The following ZFYVE28 variants were observed in gnomAD, a reference collection of about 807,000 sequenced individuals.
ZFYVE28 encodes the protein lateral signaling target protein 2 homolog.
Under a neutral mutation model 82.1 loss-of-function variants are expected in ZFYVE28, and 40 were observed. That is an observed-to-expected ratio of 0.49 (90% CI 0.38 to 0.63). The LOEUF is 0.63. ZFYVE28 is among the 30% of genes least tolerant of loss of function. The pLI is 0.00. For missense variants in ZFYVE28, 1,321 were observed against 1,242.1 expected (o/e 1.06, Z -0.96); for synonymous variants, 612 against 546.1 (o/e 1.12, Z -1.68).
intron 1 of ZFYVE28, among the ~76,000 whole-genome samples, chr4:2,371,732 C>G (rs1015539184): frequency 6.6e-6 from 1 of 152,264 alleles, no homozygotes; most frequent in African/African-American, 2.4e-5. Context: ...AATTAAACCT[C>G]TTCAGTGTCT....
chr4:2,287,478 G>A (rs1712934596), intron 8 of ZFYVE28: 1 of 152,286 alleles, frequency 6.6e-6, no homozygotes, highest in African/African-American at 2.4e-5. Flanking sequence ...TTAAGCCCCT[G>A]AAGGGCCTCT....
At chr4:2,360,293 G>A (rs1489529593) in intron 1 of ZFYVE28, among the ~76,000 whole-genome samples, 1 of 151,354 alleles carries the variant, frequency 6.6e-6, no homozygotes, top group Non-Finnish European at 1.5e-5. Flanking sequence ...GTGCCCACAA[G>A]CAAATACCCT....
chr4:2,331,073 G>T (rs539637398), intron 6 of ZFYVE28: 1 of 1,045,184 alleles, frequency 9.6e-7, no homozygotes, highest in Non-Finnish European at 1.3e-6. Flanking sequence ...AGGGGTAGAC[G>T]CTGGGATGGG....
In ZFYVE28 at chr4:2,394,300, A is replaced by C. The variant is rs889666154; in HGVS notation, c.39+23985T>G. On this transcript the variant is annotated intron_variant, in intron 1 of 12. Transcript: ENST00000290974. This position sits in a 1 kb window ranked among gnomAD's most constrained non-coding sequence, Gnocchi z 4.0. ...ATAGATTCATGGGTTCCAGGGATTC[A>C]CACATGGACACCTTTGGGGGCCATC... Among the ~76,000 whole-genome samples the C allele has an allele frequency of 6.6e-6, 1 of 152,116 alleles. No individual in the cohort carries two copies. The highest frequency in any genetic ancestry group is 2.4e-5 in the African/African-American group (1 of 41,418).
At chr4:2,401,317 G>A (rs576726123) in intron 1 of ZFYVE28, among the ~76,000 whole-genome samples, 4 of 152,302 alleles carry the variant, frequency 2.6e-5, no homozygotes, top group South Asian at 4.1e-4. Flanking sequence ...CCCCAGGGGT[G>A]CCCCAGTTAC....
intron 8 of ZFYVE28, among the ~76,000 whole-genome samples, chr4:2,291,569 C>A (rs909310261): frequency 6.6e-6 from 1 of 152,196 alleles, no homozygotes; most frequent in Non-Finnish European, 1.5e-5. Flanking sequence ...TCCCCTCTCT[C>A]TCCACCTCAG....
intron 1 of ZFYVE28, among the ~76,000 whole-genome samples, chr4:2,412,650 T>C (rs906751878): frequency 9.9e-5 from 15 of 152,216 alleles, no homozygotes; most frequent in African/African-American, 3.4e-4. Context: ...CTCACCATTA[T>C]TCACCTTTGC....
intron 1 of ZFYVE28, among the ~76,000 whole-genome samples, chr4:2,412,603 C>A (rs1053833186): frequency 6.6e-6 from 1 of 152,160 alleles, no homozygotes; most frequent in Admixed American, 6.5e-5. Context: ...AAACCCACAG[C>A]CTTCTCAGCA....
chr4:2,305,464 C>T lies in ZFYVE28; in HGVS notation c.876G>A (p.Val292=). 1 of 1,612,956 alleles carries T rather than the reference C, an allele frequency of 6.2e-7. No individual in the cohort carries two copies. The highest frequency in any genetic ancestry group is 8.5e-7 in the Non-Finnish European group (1 of 1,180,026). Residue 292 remains valine (V), a synonymous_variant, in exon 8 of 13, where the codon GTG becomes GTA. Transcript: ENST00000290974. ...LERNLCISQD[V]EFPIRADVQG... ...GCACGTCTGCGCGGATGGGGAACTCCACGTCTTGGGAAATGCAGAGGTTCC... is the reference window on the plus strand; with the variant it reads ...GCACGTCTGCGCGGATGGGGAACTCTACGTCTTGGGAAATGCAGAGGTTCC...
At chr4:2,406,062 A>G (rs28533439) in intron 1 of ZFYVE28, among the ~76,000 whole-genome samples, 158 of 125,072 alleles carry the variant, frequency 1.3e-3, no homozygotes, top group Non-Finnish European at 1.9e-3. Flanking sequence ...AAAAAAAAAA[A>G]AAAGAAAGAA....
Position 2,270,500 on chromosome 4 carries a change from C to G in ZFYVE28, c.*225G>C, listed in dbSNP as rs939779033. On this transcript the variant is annotated 3_prime_UTR_variant, in exon 13 of 13. Coordinates refer to ENST00000290974, the MANE Select transcript of ZFYVE28 (RefSeq NM_020972.3). ...GGCAGCCACCAGGCTCCTCCGGGTC[C>G]CCTGCTGGGCAAAGCTGACCTCTTG... The G allele has an allele frequency of 1.6e-5, 10 of 630,764 alleles. No individual in the cohort carries two copies. The African/African-American group carries it at 1.7e-4, about 10-fold the overall frequency. 39.1% of individuals were successfully genotyped at this position (630,764 alleles called of 1,614,324 possible). A position where few individuals can be genotyped will look rare whatever the true frequency, so the allele number is the denominator to read the frequency against.
At chr4:2,350,030 C>CACAG (rs1174723434) in intron 2 of ZFYVE28, among the ~76,000 whole-genome samples, 1 of 112,078 alleles carries the variant, frequency 8.9e-6, no homozygotes, top group South Asian at 3.0e-4. Context: ...TAGGGTGACA[C>CACAG]ACAGACACAC....
intron 7 of ZFYVE28, among the ~76,000 whole-genome samples, chr4:2,308,685 A>G (rs1717035197): frequency 1.4e-5 from 2 of 143,248 alleles, no homozygotes; most frequent in African/African-American, 5.7e-5. Context: ...AAGAGAAAGA[A>G]AGAAAAGAAA....
At position 2,390,903 on chromosome 4, in the gene ZFYVE28, C is replaced by T. The variant is rs373046798; in HGVS notation, c.39+27382G>A. On this transcript the variant is annotated intron_variant, in intron 1 of 12. Transcript: ENST00000290974. ...CTGGGATGCCCCGGTTGAGGAATCC[C>T]TGTCTGTTCGGGGTCCTCCTGCTGG... 7.2e-5 allele frequency among the ~76,000 whole-genome samples: 11 copies of T among 152,224 alleles called. No individual in the cohort carries two copies. In the East Asian group the frequency reaches 1.2e-3, roughly 16 times the overall value.
intron 1 of ZFYVE28, among the ~76,000 whole-genome samples, chr4:2,398,167 T>C (rs894131785): frequency 6.6e-6 from 1 of 152,094 alleles, no homozygotes; most frequent in African/African-American, 2.4e-5. Flanking sequence ...CTAGAGCTGG[T>C]GCCAGTGGAT....
At chr4:2,380,084 C>T (rs1728578500) in intron 1 of ZFYVE28, among the ~76,000 whole-genome samples, 1 of 152,198 alleles carries the variant, frequency 6.6e-6, no homozygotes, top group Non-Finnish European at 1.5e-5. Context: ...ACTGCAATTA[C>T]TTTTGCAACA....
chr4:2,411,802 G>C (rs1489094101), intron 1 of ZFYVE28, among the ~76,000 whole-genome samples: 1 of 152,196 alleles, frequency 6.6e-6, no homozygotes, highest in Non-Finnish European at 1.5e-5. Flanking sequence ...TCACAGTGCA[G>C]CACAAGTGCA....
intron 8 of ZFYVE28, among the ~76,000 whole-genome samples, chr4:2,296,775 T>C (rs2108815219): frequency 6.6e-6 from 1 of 152,290 alleles, no homozygotes; most frequent in Middle Eastern, 3.4e-3. Context: ...AAGGCCGGGC[T>C]GCCTCAGTCC....
In ZFYVE28 at chr4:2,416,438, A is replaced by G. The variant is rs1284756783; in HGVS notation, c.39+1847T>C. ...GAATGTTAGTTAAGACCTAAGACAC[A>G]TTTCTCCAGCTGCCTCCCGCCATTT... On this transcript the variant is annotated intron_variant, in intron 1 of 12. Coordinates refer to ENST00000290974, the MANE Select transcript of ZFYVE28 (RefSeq NM_020972.3). The surrounding 1 kb of genome is among the most constrained non-coding windows in gnomAD (Gnocchi z 4.6). Among the ~76,000 whole-genome samples the G allele has an allele frequency of 6.6e-6, 1 of 152,148 alleles. No homozygotes were observed. Among genetic ancestry groups the G allele is most frequent in the African/African-American group, 2.4e-5 (1 of 41,436 alleles).
Sources: gnomAD v4.1 joint callset for allele counts (sites outside exome capture counted in the v4.1 genomes callset) on GRCh38, gnomAD v4.1.1 for gene constraint, Gnocchi (gnomAD v3.1) non-coding constraint, MANE v1.5 for transcripts, NCBI Gene and HGNC (gene_info 2026-07-23, HGNC 2026-07-21) for gene names.